Variants in CEP72 observed in about 807,000 individuals in gnomAD.
CEP72 encodes centrosomal protein of 72 kDa.
A neutral mutation model predicts 65.7 loss-of-function variants in CEP72; 78 were observed. That is an observed-to-expected ratio of 1.19 (90% confidence interval 0.99 to 1.43). The LOEUF is 1.43. Among genes scored for constraint, CEP72 ranks in the 40% most tolerant of loss-of-function variants. The pLI is 0.00. For missense variants in CEP72, 914 were observed against 832.9 expected (o/e 1.10, Z -1.20); for synonymous variants, 358 against 351.7 (o/e 1.02, Z -0.20).
chr5:662,103 CA>C (rs1278011466), intron 1 of CEP72: 1 of 152,430 alleles, frequency 6.6e-6, no homozygotes, highest in Non-Finnish European at 1.5e-5. Flanking sequence ...TTTTCTCTCT[CA>C]GAGTGAAGGG....
At chr5:676,566 A>C in the CEP72 span, 2 of 152,250 alleles carry the variant, frequency 1.3e-5, no homozygotes, top group African/African-American at 4.8e-5. Flanking sequence ...CCACAGGAGG[A>C]CGCAGGTGCA....
chr5:638,886 C>T (rs573143281), intron 7 of CEP72, among the ~76,000 whole-genome samples: 2 of 152,270 alleles, frequency 1.3e-5, no homozygotes, highest in African/African-American at 4.8e-5. Context: ...CGAGACCTCA[C>T]TCATCCAGGA....
downstream of CEP72, among the ~76,000 whole-genome samples, chr5:654,020 C>T (rs879318805): frequency 1.4e-4 from 11 of 77,684 alleles, no homozygotes; most frequent in African/African-American, 7.3e-4. Flanking sequence ...GCTGTGTGTG[C>T]GCTAGTGTGC....
intron 10 of CEP72, among the ~76,000 whole-genome samples, 191 bp from the exon 11 acceptor site, chr5:647,614 G>A (rs527538990): frequency 1.3e-5 from 2 of 152,356 alleles, no homozygotes; most frequent in South Asian, 4.1e-4. Flanking sequence ...GCCCAGGGTA[G>A]AAACAGCACA....
intron 4 of CEP72, among the ~76,000 whole-genome samples, chr5:625,846 C>G (rs565187395): frequency 6.6e-6 from 1 of 152,324 alleles, no homozygotes; most frequent in African/African-American, 2.4e-5. Flanking sequence ...TCCCCTGTGT[C>G]TCTTCACAGA....
At position 645,238 on chromosome 5, in the gene CEP72, G is replaced by A. The variant is rs968801318; in HGVS notation, c.1666+813G>A. Among the ~76,000 whole-genome samples, 3 of 152,104 alleles carry A rather than the reference G, an allele frequency of 2.0e-5. No individual in the cohort carries two copies. The highest frequency in any genetic ancestry group is 2.9e-5 in the Non-Finnish European group (2 of 68,016). On this transcript the variant is annotated intron_variant, in intron 10 of 11. Coordinates refer to ENST00000264935, the MANE Select transcript of CEP72 (RefSeq NM_018140.4). The surrounding 1 kb of genome is among the most constrained non-coding windows in gnomAD (Gnocchi z 4.0). ...CGGCAGGGAGGCAGCTGTGGATGAG[G>A]CCTGTGGCCGCTCTGTCTCCTTTGG...
At chr5:648,629 C>T (rs796800018) in intron 11 of CEP72, among the ~76,000 whole-genome samples, 44 of 54,892 alleles carry the variant, frequency 8.0e-4, no homozygotes, top group African/African-American at 8.3e-4. Flanking sequence ...GACTGTGAGG[C>T]GTGGACTGTG....
At chr5:616,203 A>G (rs1735979823) in intron 1 of CEP72, among the ~76,000 whole-genome samples, 1 of 152,138 alleles carries the variant, frequency 6.6e-6, no homozygotes, top group Non-Finnish European at 1.5e-5. Context: ...TCTGCTTGTG[A>G]CAGATTCTCT....
At chr5:625,686 C>T (rs189895606) in intron 4 of CEP72, among the ~76,000 whole-genome samples, 10 of 152,330 alleles carry the variant, frequency 6.6e-5, no homozygotes, top group Non-Finnish European at 1.0e-4. Context: ...GCTGCGTGGA[C>T]AGCAGCACTC....
chr5:668,001 G>A (rs1426556816), downstream of CEP72, among the ~76,000 whole-genome samples: 3 of 47,580 alleles, frequency 6.3e-5, no homozygotes, highest in Admixed American at 2.1e-4. Flanking sequence ...TGTGGGCGCC[G>A]TCAGGGAAGT....
chr5:642,831 G>C, intron 9 of CEP72: 1 of 985,474 alleles, frequency 1.0e-6, no homozygotes, highest in Non-Finnish European at 1.2e-6. Flanking sequence ...GCCCACATCT[G>C]TCACTCCAGA....
the CEP72 span, among the ~76,000 whole-genome samples, chr5:675,011 A>G: frequency 1.0e-5 from 1 of 100,098 alleles, no homozygotes; most frequent in Non-Finnish European, 1.9e-5. Flanking sequence ...TGAGGGGGGC[A>G]CAGTGTGGCC....
chr5:622,405 C>G (rs1368748291), intron 3 of CEP72, among the ~76,000 whole-genome samples: 1 of 152,250 alleles, frequency 6.6e-6, no homozygotes, highest in Non-Finnish European at 1.5e-5. Context: ...TTGGCAGTGG[C>G]AGCATCGGAT....
downstream of CEP72, among the ~76,000 whole-genome samples, chr5:654,420 CTGTG>C (rs1400129977): frequency 3.4e-5 from 5 of 147,640 alleles, no homozygotes; most frequent in Middle Eastern, 3.8e-3. Context: ...TGTGTGCTAG[CTGTG>C]TGTGTCTGCT....
At chr5:637,926 C>G in intron 7 of CEP72, 108 bp downstream of exon 7, 2 of 1,085,542 alleles carry the variant, frequency 1.8e-6, no homozygotes, top group South Asian at 3.4e-5. Context: ...GACTGTGTCC[C>G]TCCCTGATGC....
chr5:620,496 G>A (rs1487800277), intron 3 of CEP72, among the ~76,000 whole-genome samples: 3 of 152,218 alleles, frequency 2.0e-5, no homozygotes, highest in African/African-American at 4.8e-5. Context: ...GGCTGGGGCC[G>A]TGGGAGCACA....
At chr5:649,189 T>A (rs1738714944) in intron 11 of CEP72, among the ~76,000 whole-genome samples, 1 of 130,984 alleles carries the variant, frequency 7.6e-6, no homozygotes, top group Non-Finnish European at 1.6e-5. Flanking sequence ...GAGGTGTGAC[T>A]GTGAGGTGTG....
At chr5:648,535 TGTGACTGTGAGG>T in intron 11 of CEP72, among the ~76,000 whole-genome samples, 1 of 123,914 alleles carries the variant, frequency 8.1e-6, no homozygotes, top group East Asian at 2.4e-4. Context: ...GACTGTGAGG[TGTGACTGTGAGG>T]TGTGACTGTG....
intron 3 of CEP72, among the ~76,000 whole-genome samples, chr5:622,799 C>T (rs529248185): frequency 1.3e-5 from 2 of 152,256 alleles, no homozygotes; most frequent in South Asian, 2.1e-4. Flanking sequence ...ATTAGGATTT[C>T]GCTGTTTAAT....
Sources: gnomAD v4.1 joint callset for allele counts (sites outside exome capture counted in the v4.1 genomes callset) on GRCh38, gnomAD v4.1.1 for gene constraint, Gnocchi (gnomAD v3.1) non-coding constraint, MANE v1.5 for transcripts, NCBI Gene and HGNC (gene_info 2026-07-23, HGNC 2026-07-21) for gene names.